The following TTLL5 variants were observed in gnomAD, a reference collection of about 807,000 sequenced individuals.
TTLL5 encodes the protein tubulin polyglutamylase TTLL5.
In TTLL5, 132 loss-of-function variants were observed where a neutral mutation model predicts 168.4. The observed-to-expected ratio is 0.78, with a 90% CI of 0.68 to 0.91. TTLL5 has a LOEUF of 0.91. Among genes scored for constraint, TTLL5 ranks in the 40% least tolerant of loss-of-function variants. TTLL5 has a pLI of 0.00. For missense variants in TTLL5, 1,545 were observed against 1,581.5 expected, an observed-to-expected ratio of 0.98 and a Z score of 0.39; for synonymous variants, 546 against 558.6, an observed-to-expected ratio of 0.98 and a Z score of 0.32.
chr14:75,738,424 G>A (rs1309109496), intron 15 of TTLL5, among the ~76,000 whole-genome samples: 1 of 152,144 alleles, frequency 6.6e-6, no homozygotes, highest in East Asian at 1.9e-4. Flanking sequence ...TGCTTGACAT[G>A]TAACTTTTCT....
chr14:75,763,429 A>G (rs896759267), intron 18 of TTLL5, among the ~76,000 whole-genome samples: 2 of 152,106 alleles, frequency 1.3e-5, no homozygotes. Flanking sequence ...AAGACTTACC[A>G]TCCATTCCAT....
intron 28 of TTLL5, chr14:75,838,363 G>T (rs1270311502): frequency 1.3e-5 from 2 of 151,556 alleles, no homozygotes; most frequent in East Asian, 3.9e-4. Flanking sequence ...GACCATCCTG[G>T]CTAACACAGT....
intron 8 of TTLL5, among the ~76,000 whole-genome samples, 167 bp from the exon 9 acceptor site, chr14:75,707,456 G>A (rs1317170158): frequency 6.6e-6 from 1 of 151,758 alleles, no homozygotes; most frequent in African/African-American, 2.4e-5. Flanking sequence ...CAATTATATA[G>A]TATAATTATT....
At chr14:75,928,092 G>A (rs1317549634) in intron 31 of TTLL5, among the ~76,000 whole-genome samples, 1 of 151,872 alleles carries the variant, frequency 6.6e-6, no homozygotes, top group African/African-American at 2.4e-5. Context: ...TTTCCATGGA[G>A]CACCAGAGAT....
rs143237174 is a variant in TTLL5, at chr14:75,723,506, A to G, written c.1042+2803A>G. Among the ~76,000 whole-genome samples, 1,176 of 152,256 alleles carry G rather than the reference A, an allele frequency of 7.7e-3. 14 individuals carry two copies. Among genetic ancestry groups the G allele is most frequent in the African/African-American group, 0.027 (1,127 of 41,550 alleles). On this transcript the variant is annotated intron_variant, in intron 12 of 31. Coordinates refer to ENST00000298832, the MANE Select transcript of TTLL5 (RefSeq NM_015072.5). ...ATAATAAATAAAGGTTTATTTTTCT[A>G]CATCTACTTGGCTCTTATATGAGGG...
chr14:75,782,819 AG>A (rs1892134970), intron 25 of TTLL5, among the ~76,000 whole-genome samples: 1 of 152,200 alleles, frequency 6.6e-6, no homozygotes, highest in East Asian at 1.9e-4. Context: ...GGTGAAAAGA[AG>A]GGGGAGAGGA....
intron 9 of TTLL5, among the ~76,000 whole-genome samples, chr14:75,708,624 C>T (rs1354068653): frequency 6.6e-6 from 1 of 152,120 alleles, no homozygotes; most frequent in Non-Finnish European, 1.5e-5. Flanking sequence ...CACACCTGGC[C>T]TGTTGAGGTG....
At chr14:75,696,401 T>A (rs1218500049) in intron 6 of TTLL5, among the ~76,000 whole-genome samples, 1 of 152,202 alleles carries the variant, frequency 6.6e-6, no homozygotes, top group Non-Finnish European at 1.5e-5. Context: ...GAGTGACATT[T>A]GGAAAGTTTT....
chr14:75,677,016 C>T (rs563198427), intron 3 of TTLL5, among the ~76,000 whole-genome samples: 5 of 152,106 alleles, frequency 3.3e-5, no homozygotes, highest in African/African-American at 9.7e-5. Flanking sequence ...AAGCAGCCCT[C>T]CCATCTCGGC....
intron 28 of TTLL5, chr14:75,837,005 C>T (rs1895905271): frequency 6.6e-6 from 1 of 152,158 alleles, no homozygotes; most frequent in Admixed American, 6.5e-5. Context: ...CATTTAGTGG[C>T]TTAAAATAAT....
chr14:75,773,903 A>ATACATATATATATATATAT (rs1194006811), intron 21 of TTLL5, among the ~76,000 whole-genome samples: 2 of 74,730 alleles, frequency 2.7e-5, no homozygotes, highest in African/African-American at 8.4e-5. Flanking sequence ...AAAAAAAAAA[A>ATACATATATATATATATAT]ATACATATAT....
chr14:75,681,418 CTTAT>C, intron 3 of TTLL5, 123 bp from the exon 4 acceptor site: 1 of 724,770 alleles, frequency 1.4e-6, no homozygotes, highest in South Asian at 1.9e-5. Flanking sequence ...ATACGTTCAA[CTTAT>C]TTATAATCAT....
chr14:75,926,085 G>GGGCCGTGGGGAGA (rs1555357753), intron 31 of TTLL5, among the ~76,000 whole-genome samples: 5 of 148,700 alleles, frequency 3.4e-5, no homozygotes, highest in African/African-American at 5.2e-5. Context: ...CGTGGGCCGT[G>GGGCCGTGGGGAGA]GGGAGAGGGA....
intron 30 of TTLL5, among the ~76,000 whole-genome samples, chr14:75,901,347 C>T (rs1460939038): frequency 4.6e-5 from 7 of 152,080 alleles, no homozygotes; most frequent in Admixed American, 2.6e-4. Flanking sequence ...GAGCTGTAAG[C>T]GCCTTTAACA....
intron 31 of TTLL5, among the ~76,000 whole-genome samples, chr14:75,924,889 T>G (rs145054799): frequency 4.6e-5 from 6 of 129,728 alleles, no homozygotes; most frequent in African/African-American, 1.5e-4. Flanking sequence ...ACCTCCCGGA[T>G]GGGGCGGCTG....
intron 2 of TTLL5, 137 bp from the exon 3 acceptor site, chr14:75,669,279 G>T: frequency 1.3e-6 from 1 of 748,802 alleles, no homozygotes; most frequent in Non-Finnish European, 2.2e-6. Context: ...TGGGAGATGT[G>T]ATTTCCCACA....
In TTLL5 at chr14:75,683,649, T is replaced by A; in HGVS notation, c.364T>A (p.Phe122Ile). 1 of 1,613,304 alleles carries A rather than the reference T, an allele frequency of 6.2e-7. No homozygotes were observed. Among genetic ancestry groups the A allele is most frequent in the Non-Finnish European group, 8.5e-7 (1 of 1,179,224 alleles). Residue 122 changes from phenylalanine to isoleucine, a missense_variant, in exon 5 of 32, where the codon TTT (phenylalanine) becomes ATT (isoleucine). Phe to Ile is a conservative substitution (Grantham distance 21). Transcript: ENST00000298832. ...TLSEAQKVNHFPRSYELTRKD... is the reference protein window; with the variant it reads ...TLSEAQKVNHIPRSYELTRKD... ...CTCTGAAGCACAAAAAGTTAATCAC[T>A]TTCCCAGGTAATGCTCTTTGTAGCT... is the stretch of plus-strand genomic sequence containing the variant.
At chr14:75,781,262 C>T (rs1178697419) in intron 24 of TTLL5, among the ~76,000 whole-genome samples, 3 of 152,130 alleles carry the variant, frequency 2.0e-5, no homozygotes, top group Admixed American at 2.0e-4. Flanking sequence ...ACATAAGATC[C>T]ATACCTGTGT....
intron 8 of TTLL5, 79 bp from the exon 9 acceptor site, chr14:75,707,544 C>G (rs1594901756): frequency 7.9e-7 from 1 of 1,271,130 alleles, no homozygotes; most frequent in Non-Finnish European, 1.1e-6. Context: ...TTTCATGTTT[C>G]TTGGTTTCGT....
Sources: allele counts gnomAD v4.1 joint callset (sites outside exome capture counted in the v4.1 genomes callset), GRCh38; gene constraint gnomAD v4.1.1; transcripts MANE v1.5; gene names NCBI Gene and HGNC (gene_info 2026-07-23, HGNC 2026-07-21).